Variants in CTNNA2 observed in about 807,000 individuals in gnomAD.
CTNNA2 encodes the protein catenin alpha-2.
A neutral mutation model predicts 101.0 loss-of-function variants in CTNNA2; 42 were observed. That is an observed-to-expected ratio of 0.42 (90% confidence interval 0.32 to 0.54). The LOEUF is 0.54. Ranked by LOEUF, CTNNA2 falls within the 20% of genes least tolerant of loss-of-function variation. The pLI, the probability that CTNNA2 is intolerant of heterozygous loss-of-function variation, is 0.14. For synonymous variants in CTNNA2, 450 were observed against 456.4 expected, an observed-to-expected ratio of 0.99 and a Z score of 0.18; for missense variants, 871 against 1,223.1, an observed-to-expected ratio of 0.71 and a Z score of 4.29.
Position 79,408,908 on chromosome 2 carries a change from T to G in CTNNA2, c.-135+34895T>G, listed in dbSNP as rs555415274. ...CCACAATGGTTGAACTAGTTTACAGTCCCACCAACAGTGTAAAAGTGTTCC... is the reference window on the plus strand; with the variant it reads ...CCACAATGGTTGAACTAGTTTACAGGCCCACCAACAGTGTAAAAGTGTTCC... On this transcript the variant is annotated intron_variant, in intron 4 of 21. Transcript: ENST00000466387. Among the ~76,000 whole-genome samples the G allele has an allele frequency of 4.0e-5, 6 of 149,742 alleles. No individual in the cohort carries two copies. In the South Asian group the frequency reaches 8.8e-4, roughly 22 times the overall value.
intron 7 of CTNNA2, among the ~76,000 whole-genome samples, chr2:80,382,662 A>C (rs2149351165): frequency 6.6e-6 from 1 of 152,346 alleles, no homozygotes; most frequent in South Asian, 2.1e-4. Flanking sequence ...AGGGAGGTCA[A>C]GACTGTGGAT....
intron 12 of CTNNA2, among the ~76,000 whole-genome samples, chr2:80,561,699 G>T (rs1297641848): frequency 1.3e-5 from 2 of 152,116 alleles, no homozygotes; most frequent in Non-Finnish European, 2.9e-5. Context: ...TTTTGTTCTT[G>T]TTGCCCAGGC....
intron 9 of CTNNA2, among the ~76,000 whole-genome samples, chr2:80,537,500 A>G (rs1358147741): frequency 6.6e-6 from 1 of 152,066 alleles, no homozygotes; most frequent in Non-Finnish European, 1.5e-5. Context: ...GAATAGCCAC[A>G]CTGTCTTCCA....
chr2:79,586,455 C>T (rs1676491661), intron 1 of CTNNA2, among the ~76,000 whole-genome samples: 1 of 152,042 alleles, frequency 6.6e-6, no homozygotes, highest in Non-Finnish European at 1.5e-5. Flanking sequence ...GCCCTATTTT[C>T]CTTGCTCATA....
At chr2:79,272,534 C>T (rs1321644973) in intron 2 of CTNNA2, among the ~76,000 whole-genome samples, 2 of 151,980 alleles carry the variant, frequency 1.3e-5, no homozygotes, top group African/African-American at 4.8e-5. Flanking sequence ...GACATCATGC[C>T]AGTCACATAT....
At chr2:80,587,956 G>C (rs1216471438) in intron 14 of CTNNA2, among the ~76,000 whole-genome samples, 1 of 152,134 alleles carries the variant, frequency 6.6e-6, no homozygotes, top group Non-Finnish European at 1.5e-5. Context: ...CATTACTCCT[G>C]ATAGTTATGT....
At chr2:80,235,094 G>C (rs1709474095) in intron 7 of CTNNA2, among the ~76,000 whole-genome samples, 2 of 152,026 alleles carry the variant, frequency 1.3e-5, no homozygotes, top group South Asian at 4.1e-4. Context: ...GAATGAACTA[G>C]TATTCTGAAG....
At chr2:79,959,238 G>C (rs1455249952) in intron 7 of CTNNA2, among the ~76,000 whole-genome samples, 1 of 151,968 alleles carries the variant, frequency 6.6e-6, no homozygotes, top group Non-Finnish European at 1.5e-5. Context: ...CATCAGGACA[G>C]ATTTGTTACT....
intron 18 of CTNNA2, among the ~76,000 whole-genome samples, chr2:80,624,540 T>A (rs933788091): frequency 6.6e-6 from 1 of 151,922 alleles, no homozygotes; most frequent in Non-Finnish European, 1.5e-5. Context: ...TGAGCCCTGG[T>A]TGAGAAGAAA....
intron 3 of CTNNA2, among the ~76,000 whole-genome samples, chr2:79,763,395 T>C (rs1459806556): frequency 3.9e-5 from 6 of 152,202 alleles, no homozygotes; most frequent in African/African-American, 7.2e-5. Context: ...CTTCTTTCTG[T>C]GTAGCTTTTT....
chr2:80,503,677 C>A (rs1688049234), intron 9 of CTNNA2, among the ~76,000 whole-genome samples: 2 of 152,140 alleles, frequency 1.3e-5, no homozygotes, highest in Admixed American at 6.6e-5. Context: ...GAAAGTCCTG[C>A]ACCCGATCAT....
At chr2:80,255,862 T>C (rs1672099979) in intron 7 of CTNNA2, among the ~76,000 whole-genome samples, 1 of 152,194 alleles carries the variant, frequency 6.6e-6, no homozygotes, top group African/African-American at 2.4e-5. Context: ...CATTGTCTTT[T>C]AGTATCCGGG....
intron 7 of CTNNA2, among the ~76,000 whole-genome samples, chr2:80,357,884 T>C (rs1158776432): frequency 6.6e-6 from 1 of 152,130 alleles, no homozygotes; most frequent in Non-Finnish European, 1.5e-5. Flanking sequence ...AATTGATTTT[T>C]TTTATTGACA....
At chr2:79,241,388 T>C (rs1674623654) in intron 2 of CTNNA2, among the ~76,000 whole-genome samples, 1 of 152,184 alleles carries the variant, frequency 6.6e-6, no homozygotes, top group Non-Finnish European at 1.5e-5. Context: ...AATCCAAAGA[T>C]ACTGCAACAG....
At chr2:80,584,899 T>A (rs1469633481) in intron 14 of CTNNA2, among the ~76,000 whole-genome samples, 1 of 152,124 alleles carries the variant, frequency 6.6e-6, no homozygotes, top group Non-Finnish European at 1.5e-5. Context: ...ATTCAGGCAA[T>A]CATGAGAGTT....
intron 6 of CTNNA2, among the ~76,000 whole-genome samples, chr2:79,882,095 G>A (rs1470712056): frequency 6.6e-6 from 1 of 151,932 alleles, no homozygotes; most frequent in Non-Finnish European, 1.5e-5. Context: ...TAAATTCTGG[G>A]TTGAAAATTC....
In CTNNA2 at chr2:80,393,219, G is replaced by T. The variant is rs1677686491; in HGVS notation, c.1065G>T (p.Arg355Ser). The T allele has an allele frequency of 6.2e-7, 1 of 1,606,004 alleles. No individual in the cohort carries two copies. Among genetic ancestry groups the T allele is most frequent in the East Asian group, 2.2e-5 (1 of 44,654 alleles). The change falls in exon 8 of 19, where the codon AGG becomes AGT. Residue 355 changes from arginine (R) to serine (S), a missense_variant. By Grantham distance (110) the Arg-to-Ser change is moderately radical. This residue lies in a region of CTNNA2 where 647 missense variants were observed against 831.5 expected (regional missense o/e 0.78). Transcript: ENST00000402739. ...LLSEYMNNTGRKEKGDPLNIA... is the reference protein window; with the variant it reads ...LLSEYMNNTGSKEKGDPLNIA... ...TTCTCTTTTCTTAATAGACTGGAAG[G>T]AAAGAAAAAGGAGATCCTCTCAACA...
intron 3 of CTNNA2, among the ~76,000 whole-genome samples, chr2:79,319,138 A>T (rs1676561184): frequency 6.6e-6 from 1 of 152,194 alleles, no homozygotes; most frequent in African/African-American, 2.4e-5. Context: ...ACCTCTCTGG[A>T]TCAAGACAAA....
intron 1 of CTNNA2, among the ~76,000 whole-genome samples, chr2:79,618,671 A>G (rs1678798560): frequency 6.9e-6 from 1 of 145,380 alleles, no homozygotes. Context: ...GGATTCCCCA[A>G]CTCCCATTCT....
Sources: allele counts gnomAD v4.1 joint callset (sites outside exome capture counted in the v4.1 genomes callset), GRCh38; gene constraint gnomAD v4.1.1; regional missense constraint gnomAD v4.1.1; transcripts MANE v1.5; gene names NCBI Gene and HGNC (gene_info 2026-07-23, HGNC 2026-07-21).